Variants in GLCCI1 observed in about 807,000 individuals in gnomAD.
GLCCI1 encodes the protein glucocorticoid-induced transcript 1 protein.
GLCCI1 carries 24 observed loss-of-function variants against 52.2 expected under a neutral mutation model. That is an observed-to-expected ratio of 0.46 (90% confidence interval 0.33 to 0.65). The LOEUF is 0.65. Ranked by LOEUF, GLCCI1 falls within the 30% of genes least tolerant of loss-of-function variation. The pLI is 0.02. For synonymous variants in GLCCI1, 310 were observed against 276.5 expected, an observed-to-expected ratio of 1.12 and a Z score of -1.20; for missense variants, 704 against 701.5, an observed-to-expected ratio of 1.00 and a Z score of -0.04.
chr7:8,047,379 A>G (rs765308058), intron 3 of GLCCI1, among the ~76,000 whole-genome samples: 3 of 152,208 alleles, frequency 2.0e-5, no homozygotes, highest in East Asian at 1.9e-4. Flanking sequence ...AAATAACACA[A>G]TAATTTTAAA....
intron 2 of GLCCI1, among the ~76,000 whole-genome samples, chr7:8,008,208 G>C (rs1028687959): frequency 4.0e-5 from 6 of 151,506 alleles, no homozygotes; most frequent in Non-Finnish European, 8.8e-5. Flanking sequence ...TGTGTCCTTT[G>C]ACCAGCATCT....
chr7:7,975,650 G>A (rs999579107), intron 1 of GLCCI1, among the ~76,000 whole-genome samples: 1 of 152,174 alleles, frequency 6.6e-6, no homozygotes, highest in African/African-American at 2.4e-5. Flanking sequence ...GGTATGGTCT[G>A]ACATTTTCAG....
intron 3 of GLCCI1, among the ~76,000 whole-genome samples, chr7:8,036,769 T>G (rs1453439543): frequency 1.3e-5 from 2 of 152,022 alleles, no homozygotes; most frequent in Non-Finnish European, 2.9e-5. Flanking sequence ...GAGTTGAAAG[T>G]TTTAACAAGT....
Position 7,969,943 on chromosome 7 carries a change from C to A in GLCCI1, c.457+136C>A. On this transcript the variant is annotated intron_variant, in intron 1 of 7. Transcript: ENST00000223145. The surrounding 1 kb of genome is among the most constrained non-coding windows in gnomAD (Gnocchi z 4.9). ...GAAAGTGGCTTTGGGAATCTCACCC[C>A]CCTGCGGTCGCTGTGGGGCTTGGAG... 1 of 1,102,022 alleles carries A rather than the reference C, an allele frequency of 9.1e-7. No individual in the cohort carries two copies. Among genetic ancestry groups the A allele is most frequent in the Non-Finnish European group, 1.1e-6 (1 of 894,698 alleles). The allele number at this position is 1,102,022 out of a possible 1,614,324, so 68.3% of individuals were successfully genotyped here. A position where few individuals can be genotyped will look rare whatever the true frequency, so the allele number is the denominator to read the frequency against.
intron 2 of GLCCI1, among the ~76,000 whole-genome samples, chr7:8,012,104 C>T (rs539918084): frequency 4.0e-5 from 6 of 151,310 alleles, no homozygotes; most frequent in East Asian, 2.0e-4. Flanking sequence ...CATGAGTCAC[C>T]GTGCCCAGCC....
At chr7:8,043,629 C>T (rs1282174511) in intron 3 of GLCCI1, among the ~76,000 whole-genome samples, 1 of 152,034 alleles carries the variant, frequency 6.6e-6, no homozygotes, top group African/African-American at 2.4e-5. Flanking sequence ...ATGAAAAAGT[C>T]CTAAAATTGG....
chr7:8,067,303 C>T (rs1009715383), intron 5 of GLCCI1, among the ~76,000 whole-genome samples: 1 of 152,112 alleles, frequency 6.6e-6, no homozygotes, highest in African/African-American at 2.4e-5. Flanking sequence ...TTAAAGACGC[C>T]TACTGTTTAG....
intron 1 of GLCCI1, among the ~76,000 whole-genome samples, chr7:7,973,090 T>C (rs1780389514): frequency 6.6e-6 from 1 of 152,192 alleles, no homozygotes; most frequent in African/African-American, 2.4e-5. Context: ...AATGACAGGC[T>C]GCTGAATGAA....
chr7:8,034,593 A>G (rs1298674056), intron 3 of GLCCI1, among the ~76,000 whole-genome samples: 3 of 152,350 alleles, frequency 2.0e-5, no homozygotes, highest in East Asian at 3.9e-4. Context: ...ATGGCTGACA[A>G]GAGACATCAG....
In GLCCI1 at chr7:8,086,075, T is replaced by G. The variant is rs573824233; in HGVS notation, c.1299-118T>G. On this transcript the variant is annotated intron_variant, in intron 7 of 7. Transcript: ENST00000223145. This position sits in a 1 kb window ranked among gnomAD's most constrained non-coding sequence, Gnocchi z 4.4. The stretch of plus-strand genomic sequence containing the variant: ...AAGATGTTTACCCCTCTGTATACAC[T>G]TAACCCATCTCCTGCCATTTACATT... The G allele has an allele frequency of 1.2e-6, 1 of 825,598 alleles. No individual in the cohort carries two copies. The highest frequency in any genetic ancestry group is 1.7e-5 in the African/African-American group (1 of 58,770). 51.1% of individuals were successfully genotyped at this position (825,598 alleles called of 1,614,324 possible).
intron 1 of GLCCI1, among the ~76,000 whole-genome samples, chr7:8,000,145 T>G (rs1023113060): frequency 6.6e-6 from 1 of 152,180 alleles, no homozygotes; most frequent in Admixed American, 6.5e-5. Context: ...AAATGTCGGC[T>G]TTGCCTCTCA....
intron 3 of GLCCI1, among the ~76,000 whole-genome samples, chr7:8,038,118 A>T (rs1781909258): frequency 6.6e-6 from 1 of 152,208 alleles, no homozygotes; most frequent in South Asian, 2.1e-4. Flanking sequence ...ACAGAACACC[A>T]ATGAAGTCAC....
chr7:8,074,246 CACTATTAT>C (rs1782826818), intron 6 of GLCCI1, among the ~76,000 whole-genome samples: 1 of 21,338 alleles, frequency 4.7e-5, no homozygotes, highest in Non-Finnish European at 1.2e-4. Flanking sequence ...ATTATAAATA[CACTATTAT>C]ACAGTGATGT....
chr7:8,040,095 A>G (rs1434902998), intron 3 of GLCCI1, among the ~76,000 whole-genome samples: 1 of 152,144 alleles, frequency 6.6e-6, no homozygotes, highest in Non-Finnish European at 1.5e-5. Flanking sequence ...AAAATAAATA[A>G]TAAAAAAGTA....
At chr7:8,075,067 C>A (rs1448605111) in intron 6 of GLCCI1, among the ~76,000 whole-genome samples, 2 of 152,152 alleles carry the variant, frequency 1.3e-5, no homozygotes, top group East Asian at 3.9e-4. Flanking sequence ...TTGCTAACAT[C>A]ATTTTTGTGT....
intron 1 of GLCCI1, among the ~76,000 whole-genome samples, chr7:7,983,131 TAAATG>T (rs1228377403): frequency 6.6e-6 from 1 of 152,148 alleles, no homozygotes; most frequent in African/African-American, 2.4e-5. Flanking sequence ...CAAACAATGT[TAAATG>T]AATCATATTT....
intron 6 of GLCCI1, among the ~76,000 whole-genome samples, chr7:8,084,313 G>T (rs946504013): frequency 3.9e-5 from 6 of 152,092 alleles, no homozygotes; most frequent in African/African-American, 1.4e-4. Flanking sequence ...TGCTGAAAAA[G>T]CCCTTTTATT....
At chr7:8,073,417 C>G (rs530819661) in intron 6 of GLCCI1, among the ~76,000 whole-genome samples, 1 of 152,052 alleles carries the variant, frequency 6.6e-6, no homozygotes, top group South Asian at 2.1e-4. Flanking sequence ...CTAAGTTTGC[C>G]TTTGTTGGTA....
intron 1 of GLCCI1, among the ~76,000 whole-genome samples, chr7:7,970,839 C>T (rs1780338060): frequency 6.6e-6 from 1 of 151,964 alleles, no homozygotes; most frequent in Admixed American, 6.6e-5. Context: ...GCTGCTGCTG[C>T]ATTGTGGAGG....
Sources: gnomAD v4.1 joint callset for allele counts (sites outside exome capture counted in the v4.1 genomes callset) on GRCh38, gnomAD v4.1.1 for gene constraint, Gnocchi (gnomAD v3.1) non-coding constraint, MANE v1.5 for transcripts, NCBI Gene and HGNC (gene_info 2026-07-23, HGNC 2026-07-21) for gene names.